The following PKN2 variants were observed in gnomAD, a reference collection of about 807,000 sequenced individuals.
PKN2 encodes protein kinase N2.
In PKN2, 38 loss-of-function variants were observed where a neutral mutation model predicts 119.1. The observed-to-expected ratio is 0.32, with a 90% CI of 0.25 to 0.42. The LOEUF is 0.42. Ranked by LOEUF, PKN2 falls within the 10% of genes least tolerant of loss-of-function variation. PKN2 has a pLI of 1.00. For missense variants in PKN2, 850 were observed against 1,165.1 expected (o/e 0.73, Z 3.94); for synonymous variants, 390 against 384.9 (o/e 1.01, Z -0.15).
chr1:88,744,991 A>G (rs1668717171), intron 2 of PKN2, among the ~76,000 whole-genome samples: 1 of 152,196 alleles, frequency 6.6e-6, no homozygotes, highest in South Asian at 2.1e-4. Flanking sequence ...TACTTTAAAG[A>G]TGATCATATG....
rs552729027 is a variant in PKN2 at position 88,751,604 on chromosome 1, T to C, written c.350-8618T>C. The stretch of plus-strand genomic sequence containing the variant: ...TATTATGTAATAAACTTAGAATACT[T>C]ACATGCTATTGTTGGCCATGTTCTA... On this transcript the variant is annotated intron_variant, in intron 2 of 21. Coordinates refer to ENST00000370521, the MANE Select transcript of PKN2 (RefSeq NM_006256.4). Among the ~76,000 whole-genome samples the C allele has an allele frequency of 2.6e-5, 4 of 152,316 alleles. No homozygotes were observed. In the South Asian group the frequency reaches 8.3e-4, roughly 32 times the overall value.
At chr1:88,692,530 A>G (rs2100648888) in intron 1 of PKN2, among the ~76,000 whole-genome samples, 1 of 152,268 alleles carries the variant, frequency 6.6e-6, no homozygotes, top group South Asian at 2.1e-4. Flanking sequence ...CCAACACTTG[A>G]TATTCTCTTT....
At chr1:88,740,100 A>C (rs768905803) in intron 1 of PKN2, among the ~76,000 whole-genome samples, 5 of 152,156 alleles carry the variant, frequency 3.3e-5, no homozygotes, top group Admixed American at 6.5e-5. Flanking sequence ...TAGAGATTAA[A>C]GTATGGGGTG....
chr1:88,789,301 G>A (rs1248549302), intron 8 of PKN2, among the ~76,000 whole-genome samples: 2 of 152,142 alleles, frequency 1.3e-5, no homozygotes, highest in Non-Finnish European at 2.9e-5. Flanking sequence ...ATTGTGGAAG[G>A]ATTATAGTTA....
At position 88,684,338 on chromosome 1, in the gene PKN2, G is replaced by A. The variant is rs1665975206; in HGVS notation, c.-243G>A. ...TGGCGTCGCCCAGAGGGAGCGACTA[G>A]ACGAACAGTCCGGTGAGGGCGGCGA... On this transcript the variant is annotated 5_prime_UTR_variant, in exon 1 of 22. Coordinates refer to ENST00000370521, the MANE Select transcript of PKN2 (RefSeq NM_006256.4). 6.9e-6 allele frequency: 3 copies of A among 434,448 alleles called. No individual in the cohort carries two copies. The highest frequency in any genetic ancestry group is 4.2e-5 in the South Asian group (1 of 24,006). 26.9% of individuals were successfully genotyped at this position (434,448 alleles called of 1,614,324 possible). A position where few individuals can be genotyped will look rare whatever the true frequency, so the allele number is the denominator to read the frequency against.
At chr1:88,692,110 T>C (rs574899507) in intron 1 of PKN2, among the ~76,000 whole-genome samples, 1 of 152,292 alleles carries the variant, frequency 6.6e-6, no homozygotes, top group South Asian at 2.1e-4. Context: ...GAATATAATC[T>C]TTTTGAACTT....
intron 1 of PKN2, among the ~76,000 whole-genome samples, chr1:88,730,912 G>A (rs6700240): frequency 0.067 from 10,230 of 152,246 alleles, 702 homozygotes; most frequent in African/African-American, 0.18. Flanking sequence ...TCATTCTGAT[G>A]CCAAATGCTT....
At position 88,771,836 on chromosome 1, in the gene PKN2, G is replaced by A. The variant is rs374860858; in HGVS notation, c.942G>A (p.Thr314=). Residue 314 remains threonine (T), a synonymous_variant, in exon 6 of 22, where the codon ACG becomes ACA. Transcript: ENST00000370521. ...GTCCACGTCAAAGTATGATATCTACGCAAAATCAATATAGTACACTATCCA... is the reference window on the plus strand; with the variant it reads ...GTCCACGTCAAAGTATGATATCTACACAAAATCAATATAGTACACTATCCA... The part of the protein sequence containing the change: ...TLSPRQSMIS[T]QNQYSTLSKP... 5.0e-5 allele frequency: 80 copies of A among 1,613,716 alleles called. No homozygotes were observed. Among genetic ancestry groups the A allele is most frequent in the African/African-American group, 2.3e-4 (17 of 74,878 alleles).
chr1:88,723,419 C>CG (rs200492115), intron 1 of PKN2, among the ~76,000 whole-genome samples: 1 of 147,798 alleles, frequency 6.8e-6, no homozygotes, highest in Admixed American at 6.8e-5. Context: ...TGCCCCCCCC[C>CG]CTTTTATTTA....
At chr1:88,707,300 A>G (rs1667041496) in intron 1 of PKN2, among the ~76,000 whole-genome samples, 1 of 152,116 alleles carries the variant, frequency 6.6e-6, no homozygotes, top group Non-Finnish European at 1.5e-5. Flanking sequence ...AAAATGTGGC[A>G]GATGAAGTCT....
intron 1 of PKN2, among the ~76,000 whole-genome samples, chr1:88,709,895 G>T (rs1667156736): frequency 6.6e-6 from 1 of 152,198 alleles, no homozygotes; most frequent in Non-Finnish European, 1.5e-5. Context: ...GGAATGGAAA[G>T]TGGGTATGTG....
At chr1:88,759,958 C>G (rs1223970066) in intron 2 of PKN2, among the ~76,000 whole-genome samples, 1 of 151,848 alleles carries the variant, frequency 6.6e-6, no homozygotes, top group Non-Finnish European at 1.5e-5. Context: ...CACGGACAAT[C>G]ATCTAACTGA....
At chr1:88,698,539 C>G (rs974164968) in intron 1 of PKN2, among the ~76,000 whole-genome samples, 2 of 152,146 alleles carry the variant, frequency 1.3e-5, no homozygotes, top group African/African-American at 4.8e-5. Flanking sequence ...TTAGAGGCAT[C>G]AAAGACAGTA....
intron 2 of PKN2, among the ~76,000 whole-genome samples, chr1:88,756,000 C>T (rs1029864310): frequency 3.2e-4 from 49 of 151,714 alleles, no homozygotes; most frequent in Non-Finnish European, 2.9e-5. Flanking sequence ...GCAACCTCCA[C>T]CTCCTGGGTT....
chr1:88,759,208 C>T (rs1336163776), intron 2 of PKN2, among the ~76,000 whole-genome samples: 1 of 152,200 alleles, frequency 6.6e-6, no homozygotes, highest in Non-Finnish European at 1.5e-5. Flanking sequence ...ACTAAAAATA[C>T]AAAAATTAGC....
chr1:88,765,026 G>A (rs1463322788), intron 3 of PKN2, among the ~76,000 whole-genome samples: 3 of 152,000 alleles, frequency 2.0e-5, no homozygotes, highest in Non-Finnish European at 2.9e-5. Context: ...AAATTCAAGC[G>A]ATTCTTCTGC....
chr1:88,761,250 C>A (rs1180818589), intron 3 of PKN2, among the ~76,000 whole-genome samples: 1 of 151,992 alleles, frequency 6.6e-6, no homozygotes, highest in African/African-American at 2.4e-5. Context: ...TAATAATTTC[C>A]AGAAATTCTG....
chr1:88,800,288 A>G (rs937188064), intron 8 of PKN2, among the ~76,000 whole-genome samples: 1 of 152,186 alleles, frequency 6.6e-6, no homozygotes, highest in Non-Finnish European at 1.5e-5. Flanking sequence ...TTAAAACAGG[A>G]GTTTTTGAAA....
At chr1:88,742,046 A>G (rs1167363402) in intron 2 of PKN2, among the ~76,000 whole-genome samples, 1 of 152,106 alleles carries the variant, frequency 6.6e-6, no homozygotes, top group African/African-American at 2.4e-5. Flanking sequence ...GCCAATATTC[A>G]CCCATCAGTA....
Sources: allele counts gnomAD v4.1 joint callset (sites outside exome capture counted in the v4.1 genomes callset), GRCh38; gene constraint gnomAD v4.1.1; transcripts MANE v1.5; gene names NCBI Gene and HGNC (gene_info 2026-07-23, HGNC 2026-07-21).